The following PARM1 variants were observed in gnomAD, a reference collection of about 807,000 sequenced individuals.
PARM1 encodes WSC4, cell wall integrity and stress response component 4 homolog.
PARM1 carries 14 observed loss-of-function variants against 24.6 expected under a neutral mutation model. The ratio of observed to expected loss-of-function variants is 0.57; its 90% CI spans 0.38 to 0.89. PARM1 has a LOEUF of 0.89. PARM1 is among the 40% of genes least tolerant of loss of function. The pLI is 0.00. For missense variants in PARM1, 362 were observed against 380.4 expected, an observed-to-expected ratio of 0.95 and a Z score of 0.40; for synonymous variants, 179 against 156.6, an observed-to-expected ratio of 1.14 and a Z score of -1.07.
Position 75,033,970 on chromosome 4 carries a change from C to T in PARM1, c.848+9C>T. 1 of 1,586,304 alleles carries T rather than the reference C, an allele frequency of 6.3e-7. No individual in the cohort carries two copies. On this transcript the variant is annotated intron_variant, in intron 3 of 3. Transcript: ENST00000307428. ...GCCTACCTAAAAATCAGGTGAGACG[C>T]AGCTTACTCTTAAAAAAAAGGGATT...
intron 2 of PARM1, among the ~76,000 whole-genome samples, chr4:75,029,669 T>C (rs1371710942): frequency 6.6e-6 from 1 of 152,142 alleles, no homozygotes; most frequent in African/African-American, 2.4e-5. Flanking sequence ...GACTAATTCA[T>C]TCCTAAAAGA....
chr4:75,043,454 G>T (rs539255990), intron 3 of PARM1, among the ~76,000 whole-genome samples: 1 of 151,870 alleles, frequency 6.6e-6, no homozygotes, highest in Non-Finnish European at 1.5e-5. Context: ...AAGAAACAGG[G>T]GGTTAAAAAC....
chr4:75,040,986 G>A (rs1422669395), intron 3 of PARM1, among the ~76,000 whole-genome samples: 1 of 151,966 alleles, frequency 6.6e-6, no homozygotes, highest in African/African-American at 2.4e-5. Flanking sequence ...CCTCCTACTG[G>A]GAACTCCTCA....
chr4:74,933,311 C>T lies in PARM1; in HGVS notation c.-17C>T, dbSNP rs374904509. 2.2e-4 allele frequency: 358 copies of T among 1,608,530 alleles called. No individual in the cohort carries two copies. The highest frequency in any genetic ancestry group is 2.9e-4 in the Non-Finnish European group (341 of 1,177,488). On this transcript the variant is annotated 5_prime_UTR_variant, in exon 1 of 4. Transcript: ENST00000307428. The stretch of plus-strand genomic sequence containing the variant: ...CTTGCCGCCCGCCCCGGGCTGGGCA[C>T]CAAATACCAGGCTACCATGGTCTAC...
At chr4:74,948,344 C>T (rs148837321) in intron 1 of PARM1, among the ~76,000 whole-genome samples, 1 of 152,274 alleles carries the variant, frequency 6.6e-6, no homozygotes, top group East Asian at 1.9e-4. Context: ...AACGTTAGTC[C>T]CCTGACTTCA....
At chr4:75,032,859 G>T (rs947436905) in intron 2 of PARM1, among the ~76,000 whole-genome samples, 1 of 152,142 alleles carries the variant, frequency 6.6e-6, no homozygotes, top group Non-Finnish European at 1.5e-5. Flanking sequence ...TTTCCCAGTT[G>T]CCTAAAAGAG....
At chr4:74,988,356 A>T (rs571893495) in intron 1 of PARM1, among the ~76,000 whole-genome samples, 1 of 152,224 alleles carries the variant, frequency 6.6e-6, no homozygotes, top group Non-Finnish European at 1.5e-5. Context: ...TGTAAGAGAG[A>T]TGGCCATGCA....
rs952714816 is a variant in PARM1 at position 74,933,255 on chromosome 4, C to T, written c.-73C>T. 5 of 1,358,432 alleles carry T rather than the reference C, an allele frequency of 3.7e-6. No individual in the cohort carries two copies. The highest frequency in any genetic ancestry group is 1.4e-5 in the African/African-American group (1 of 69,528). 84.1% of individuals were successfully genotyped at this position (1,358,432 alleles called of 1,614,324 possible). A position where few individuals can be genotyped will look rare whatever the true frequency, so the allele number is the denominator to read the frequency against. The stretch of plus-strand genomic sequence containing the variant: ...CACCCGGCAGAGGAGTCGCTACCAG[C>T]GCCCAGTGCGCTCTGTCAGTCCGCA... On this transcript the variant is annotated 5_prime_UTR_variant, in exon 1 of 4. Transcript: ENST00000307428.
intron 1 of PARM1, among the ~76,000 whole-genome samples, chr4:74,986,740 A>G (rs1352502973): frequency 6.6e-6 from 1 of 151,976 alleles, no homozygotes; most frequent in Non-Finnish European, 1.5e-5. Context: ...AAGGAAAAAA[A>G]TTTCAATGGA....
intron 1 of PARM1, among the ~76,000 whole-genome samples, chr4:74,996,645 C>T (rs1233013043): frequency 2.0e-5 from 3 of 152,110 alleles, no homozygotes; most frequent in Admixed American, 2.0e-4. Context: ...TTGCTAATTC[C>T]TGGAGATTTT....
intron 1 of PARM1, among the ~76,000 whole-genome samples, chr4:74,968,218 A>C (rs1721945318): frequency 6.6e-6 from 1 of 152,252 alleles, no homozygotes; most frequent in Non-Finnish European, 1.5e-5. Context: ...AAAGAGCTCT[A>C]AATTTGTCAG....
intron 1 of PARM1, among the ~76,000 whole-genome samples, chr4:74,951,905 C>T (rs1040642109): frequency 6.6e-6 from 1 of 152,216 alleles, no homozygotes; most frequent in Non-Finnish European, 1.5e-5. Context: ...CATACATGTG[C>T]ATGTGTCATT....
At chr4:74,950,002 G>A (rs533593355) in intron 1 of PARM1, among the ~76,000 whole-genome samples, 2 of 152,154 alleles carry the variant, frequency 1.3e-5, no homozygotes, top group African/African-American at 4.8e-5. Context: ...CAAAACTAGA[G>A]GAATTTAGAA....
At chr4:75,031,372 A>C (rs1270389489) in intron 2 of PARM1, among the ~76,000 whole-genome samples, 1 of 152,208 alleles carries the variant, frequency 6.6e-6, no homozygotes, top group East Asian at 1.9e-4. Context: ...ATCAGGAGGA[A>C]AATAACTGGC....
chr4:75,024,734 C>G (rs751578757), intron 2 of PARM1, among the ~76,000 whole-genome samples: 47 of 152,118 alleles, frequency 3.1e-4, no homozygotes, highest in Admixed American at 2.9e-3. Context: ...TGCTCACTCT[C>G]GTCGCCCAGG....
At chr4:75,016,017 G>A (rs560542391) in intron 2 of PARM1, among the ~76,000 whole-genome samples, 11 of 152,274 alleles carry the variant, frequency 7.2e-5, no homozygotes, top group African/African-American at 2.6e-4. Flanking sequence ...CACGTAGTAT[G>A]TTTCTATTAA....
At position 75,035,553 on chromosome 4, in the gene PARM1, G is replaced by A. The variant is rs1388364240; in HGVS notation, c.848+1592G>A. ...CATGGATATGATTCCTCATCTCAGA[G>A]CACATATCCACTCTGCTGCTGCCTC... On this transcript the variant is annotated intron_variant, in intron 3 of 3. Coordinates refer to ENST00000307428, the MANE Select transcript of PARM1 (RefSeq NM_015393.4). 5.9e-5 allele frequency among the ~76,000 whole-genome samples: 9 copies of A among 152,170 alleles called. No homozygotes were observed. The South Asian group carries it at 1.9e-3, about 32-fold the overall frequency.
intron 1 of PARM1, among the ~76,000 whole-genome samples, chr4:75,005,573 C>T (rs1722755981): frequency 6.6e-6 from 1 of 152,184 alleles, no homozygotes; most frequent in Non-Finnish European, 1.5e-5. Context: ...AAGAACTCAC[C>T]TGCATGTCCC....
intron 3 of PARM1, among the ~76,000 whole-genome samples, chr4:75,041,162 T>G (rs751815332): frequency 2.6e-5 from 4 of 152,126 alleles, no homozygotes; most frequent in Non-Finnish European, 1.5e-5. Context: ...GGTGCTAGAA[T>G]AGGGCCTGAT....
Sources: gnomAD v4.1 joint callset for allele counts (sites outside exome capture counted in the v4.1 genomes callset) on GRCh38, gnomAD v4.1.1 for gene constraint, MANE v1.5 for transcripts, NCBI Gene and HGNC (gene_info 2026-07-23, HGNC 2026-07-21) for gene names.